The following FGD3 variants were observed in gnomAD, a reference collection of about 807,000 sequenced individuals.
FGD3 encodes the protein FYVE, RhoGEF and PH domain containing 3, also known as FYVE, RhoGEF and PH domain-containing protein 3.
Under a neutral mutation model 71.8 loss-of-function variants are expected in FGD3, and 45 were observed. That is an observed-to-expected ratio of 0.63 (90% CI 0.49 to 0.80). FGD3 has a LOEUF of 0.80. Ranked by LOEUF, FGD3 falls within the 30% of genes least tolerant of loss-of-function variation. The pLI, the probability that FGD3 is intolerant of heterozygous loss-of-function variation, is 0.00. For synonymous variants in FGD3, 378 were observed against 392.8 expected, an observed-to-expected ratio of 0.96 and a Z score of 0.44; for missense variants, 844 against 951.5, an observed-to-expected ratio of 0.89 and a Z score of 1.49.
rs1859760685 is a variant in FGD3 at position 92,976,507 on chromosome 9, G to A, written c.251G>A (p.Ser84Asn). ...AGCGGGATCGACAGTCCCTCCTCCA[G>A]TGTGGCTGGAGAGAACTTTCCCTGC... ...RDSGIDSPSS[S>N]VAGENFPCEE... Residue 84 changes from serine to asparagine, a missense_variant, in exon 3 of 18, where the codon AGT becomes AAT. Physicochemically the swap from Ser to Asn is conservative, Grantham distance 46 (BLOSUM62 1). Coordinates refer to ENST00000375482, the MANE Select transcript of FGD3 (RefSeq NM_001083536.2). 1.9e-6 allele frequency: 3 copies of A among 1,612,510 alleles called. No individual in the cohort carries two copies. The highest frequency in any genetic ancestry group is 2.5e-6 in the Non-Finnish European group (3 of 1,179,764).
intron 1 of FGD3, among the ~76,000 whole-genome samples, chr9:92,970,294 A>G (rs1859485585): frequency 6.6e-6 from 1 of 152,212 alleles, no homozygotes; most frequent in South Asian, 2.1e-4. Flanking sequence ...TACTTGCCTT[A>G]TATGTGTGTA....
chr9:93,000,584 T>C (rs1417900660), intron 3 of FGD3, among the ~76,000 whole-genome samples: 2 of 152,200 alleles, frequency 1.3e-5, no homozygotes, highest in Non-Finnish European at 2.9e-5. Context: ...TTTTTTTTTC[T>C]TTCAGCACTT....
intron 1 of FGD3, among the ~76,000 whole-genome samples, chr9:92,967,614 C>T (rs1859378247): frequency 6.6e-6 from 1 of 152,066 alleles, no homozygotes; most frequent in African/African-American, 2.4e-5. Flanking sequence ...CTCACTCTGT[C>T]ACCAGGCTGG....
At chr9:93,002,305 C>T (rs939664875) in intron 3 of FGD3, among the ~76,000 whole-genome samples, 7 of 152,078 alleles carry the variant, frequency 4.6e-5, no homozygotes, top group African/African-American at 1.7e-4. Flanking sequence ...AGGAGGAGGC[C>T]AGGCACGGTG....
At chr9:92,962,806 T>C (rs1462898401) in intron 1 of FGD3, among the ~76,000 whole-genome samples, 1 of 152,066 alleles carries the variant, frequency 6.6e-6, no homozygotes, top group African/African-American at 2.4e-5. Context: ...CTGGGCATTG[T>C]GGTGGGCACC....
intron 14 of FGD3, among the ~76,000 whole-genome samples, chr9:93,023,667 C>G (rs1307422735): frequency 6.6e-6 from 1 of 152,122 alleles, no homozygotes; most frequent in Admixed American, 6.5e-5. Flanking sequence ...CCTGGGTTCC[C>G]CTTGCCCTGC....
intron 6 of FGD3, among the ~76,000 whole-genome samples, chr9:93,008,425 G>A (rs1446975748): frequency 6.6e-6 from 1 of 152,194 alleles, no homozygotes; most frequent in Non-Finnish European, 1.5e-5. Flanking sequence ...TCTTGGGTCT[G>A]GAACAGGCCT....
At chr9:93,005,941 C>T (rs1861033003) in intron 5 of FGD3, 83 bp from the exon 6 acceptor site, 1 of 1,467,306 alleles carries the variant, frequency 6.8e-7, no homozygotes, top group Non-Finnish European at 9.1e-7. Context: ...CACCCCACAC[C>T]CCCCTGGTGG....
chr9:92,989,296 G>A (rs1481078135), intron 3 of FGD3, among the ~76,000 whole-genome samples: 37 of 152,064 alleles, frequency 2.4e-4, no homozygotes, highest in Non-Finnish European at 1.8e-4. Context: ...AGATCCACCC[G>A]CCTCAGCCTC....
At chr9:93,001,158 T>C (rs576742949) in intron 3 of FGD3, among the ~76,000 whole-genome samples, 4 of 152,198 alleles carry the variant, frequency 2.6e-5, no homozygotes, top group African/African-American at 9.6e-5. Flanking sequence ...TATCTCTTTG[T>C]TGATATTCTC....
intron 3 of FGD3, among the ~76,000 whole-genome samples, chr9:92,987,229 G>A (rs189646885): frequency 2.6e-5 from 4 of 152,118 alleles, no homozygotes; most frequent in African/African-American, 9.6e-5. Context: ...TCAGGAGATC[G>A]AGACCATCCT....
At chr9:93,017,200 C>T (rs1017371163) in intron 10 of FGD3, among the ~76,000 whole-genome samples, 4 of 152,060 alleles carry the variant, frequency 2.6e-5, no homozygotes, top group Non-Finnish European at 5.9e-5. Context: ...CCCAGGAGGT[C>T]AAGGCTGCAG....
rs1859472556 is a variant in FGD3 at position 92,969,900 on chromosome 9, T to G, written c.-217-5338T>G. ...ACCCTGGATTCTGGGGCATTCTAAATTTCTTCAGGTTTGTGGATTTCCTCG... is the reference window on the plus strand; with the variant it reads ...ACCCTGGATTCTGGGGCATTCTAAAGTTCTTCAGGTTTGTGGATTTCCTCG... On this transcript the variant is annotated intron_variant, in intron 1 of 17. Coordinates refer to ENST00000375482, the MANE Select transcript of FGD3 (RefSeq NM_001083536.2). The surrounding 1 kb of genome is among the most constrained non-coding windows in gnomAD (Gnocchi z 4.5). Among the ~76,000 whole-genome samples the G allele has an allele frequency of 6.6e-6, 1 of 152,218 alleles. No individual in the cohort carries two copies. The highest frequency in any genetic ancestry group is 2.4e-5 in the African/African-American group (1 of 41,450).
At chr9:92,949,595 G>T (rs532192997) in intron 1 of FGD3, among the ~76,000 whole-genome samples, 1 of 152,244 alleles carries the variant, frequency 6.6e-6, no homozygotes, top group South Asian at 2.1e-4. Flanking sequence ...TTCCTTGAGG[G>T]TCCCACCCTC....
At chr9:93,004,549 C>T (rs559400637) in intron 5 of FGD3, among the ~76,000 whole-genome samples, 2 of 152,186 alleles carry the variant, frequency 1.3e-5, no homozygotes, top group African/African-American at 2.4e-5. Context: ...CTCCTGCTGT[C>T]CCTGTGGCCT....
intron 6 of FGD3, among the ~76,000 whole-genome samples, chr9:93,007,371 T>C (rs879836783): frequency 3.9e-5 from 6 of 152,202 alleles, no homozygotes; most frequent in Non-Finnish European, 8.8e-5. Context: ...ATTACAGGCG[T>C]GAGCCACCGC....
intron 3 of FGD3, among the ~76,000 whole-genome samples, chr9:92,988,447 C>G (rs1429816745): frequency 2.0e-5 from 3 of 152,150 alleles, no homozygotes; most frequent in Non-Finnish European, 4.4e-5. Flanking sequence ...TTATCTGCCT[C>G]CTGCATCTAT....
intron 1 of FGD3, among the ~76,000 whole-genome samples, chr9:92,957,885 A>G (rs10124112): frequency 0.7 from 105,388 of 151,440 alleles, 37,856 homozygotes; most frequent in African/African-American, 0.89. Flanking sequence ...TTCACTATGT[A>G]GGCCAGCCTG....
chr9:92,966,031 A>G (rs572743792), intron 1 of FGD3, among the ~76,000 whole-genome samples: 1 of 152,214 alleles, frequency 6.6e-6, no homozygotes, highest in Non-Finnish European at 1.5e-5. Context: ...GCCTGTCCCT[A>G]GGCGGGACGA....
Sources: allele counts gnomAD v4.1 joint callset (sites outside exome capture counted in the v4.1 genomes callset), GRCh38; gene constraint gnomAD v4.1.1; non-coding constraint Gnocchi (gnomAD v3.1); transcripts MANE v1.5; gene names NCBI Gene and HGNC (gene_info 2026-07-23, HGNC 2026-07-21).